Variants in EDA observed in about 807,000 individuals in gnomAD.
The protein encoded by EDA is ectodysplasin A.
Under a neutral mutation model 23.6 loss-of-function variants are expected in EDA, and 2 were observed. The ratio of observed to expected loss-of-function variants is 0.08; its 90% CI spans 0.03 to 0.27. The LOEUF (loss-of-function observed/expected upper bound fraction) is 0.27. EDA is among the 10% of genes least tolerant of loss of function. EDA has a pLI of 1.00. For synonymous variants in EDA, 131 were observed against 132.0 expected (o/e 0.99, Z 0.05); for missense variants, 229 against 324.2 (o/e 0.71, Z 2.26).
chrX:69,920,740 T>G (rs1256571499), intron 1 of EDA, among the ~76,000 whole-genome samples: 1 of 111,788 alleles, frequency 8.9e-6, no homozygotes, highest in Admixed American at 9.5e-5. Context: ...TCACTATTAT[T>G]GTTAACCTTG....
intron 1 of EDA, among the ~76,000 whole-genome samples, chrX:69,705,223 CA>C (rs545649412): frequency 1.1e-3 from 63 of 58,838 alleles, no homozygotes; most frequent in South Asian, 4.0e-3. Flanking sequence ...AACTCCATCT[CA>C]AAAAAAAAAA....
chrX:69,987,274 TAA>T (rs796678528), intron 2 of EDA, among the ~76,000 whole-genome samples: 2,334 of 66,772 alleles, frequency 0.035, 81 homozygotes, highest in African/African-American at 0.12. Context: ...TAAAGTATAA[TAA>T]AAAAAAAAAA....
intron 1 of EDA, among the ~76,000 whole-genome samples, chrX:69,898,536 T>C (rs903587205): frequency 1.8e-5 from 2 of 110,129 alleles, no homozygotes; most frequent in Non-Finnish European, 3.8e-5. Context: ...TGAGCCGAGA[T>C]CACACCACTG....
intron 1 of EDA, among the ~76,000 whole-genome samples, chrX:69,799,103 C>A (rs1036564575): frequency 2.7e-5 from 3 of 111,404 alleles, no homozygotes; most frequent in Non-Finnish European, 5.7e-5. Context: ...AAAGGATGGT[C>A]TTCAATGAAT....
chrX:69,659,998 CT>C (rs761011675), intron 1 of EDA, among the ~76,000 whole-genome samples: 1 of 111,730 alleles, frequency 9.0e-6, no homozygotes, highest in African/African-American at 3.3e-5. Context: ...TTTCCCATCC[CT>C]TTTTTTCAGC....
chrX:69,622,808 A>G (rs774271651), intron 1 of EDA, among the ~76,000 whole-genome samples: 12 of 111,802 alleles, frequency 1.1e-4, no homozygotes, highest in Non-Finnish European at 2.3e-4. Context: ...ATTATCTTCT[A>G]GAAGCTTTAT....
intron 1 of EDA, among the ~76,000 whole-genome samples, chrX:69,619,124 G>A (rs1225435231): frequency 2.7e-5 from 3 of 112,027 alleles, no homozygotes; most frequent in Non-Finnish European, 5.6e-5. Context: ...GGCCACGTAG[G>A]TCATATTTTT....
intron 1 of EDA, among the ~76,000 whole-genome samples, chrX:69,814,072 A>G (rs919748324): frequency 1.1e-4 from 12 of 112,916 alleles, no homozygotes; most frequent in African/African-American, 3.9e-4. Context: ...TTAACAAACA[A>G]CAAAAACAAA....
chrX:69,623,567 T>C (rs766392690), intron 1 of EDA, among the ~76,000 whole-genome samples: 32 of 111,747 alleles, frequency 2.9e-4, no homozygotes, highest in Non-Finnish European at 5.8e-4. Flanking sequence ...AAACCTATTT[T>C]AGACATTTTC....
intron 1 of EDA, among the ~76,000 whole-genome samples, chrX:69,856,368 A>C (rs2017253882): frequency 9.5e-6 from 1 of 105,069 alleles, no homozygotes; most frequent in Admixed American, 1.1e-4. Context: ...ATTTTCCTCG[A>C]GGTAGATACC....
intron 1 of EDA, among the ~76,000 whole-genome samples, chrX:69,725,076 C>T (rs2012741053): frequency 8.9e-6 from 1 of 112,075 alleles, no homozygotes; most frequent in Admixed American, 9.5e-5. Context: ...AGTTTACATG[C>T]CATTAACTAG....
At chrX:69,870,741 G>A (rs1388797493) in intron 1 of EDA, among the ~76,000 whole-genome samples, 1 of 111,319 alleles carries the variant, frequency 9.0e-6, no homozygotes, top group African/African-American at 3.3e-5. Flanking sequence ...TCCAATCAAT[G>A]CCCTCATTTT....
At chrX:69,845,739 C>T (rs773214081) in intron 1 of EDA, among the ~76,000 whole-genome samples, 1 of 111,772 alleles carries the variant, frequency 8.9e-6, no homozygotes, top group East Asian at 2.8e-4. Context: ...GAGTCTTCCA[C>T]CTTGCTCTTT....
intron 1 of EDA, among the ~76,000 whole-genome samples, chrX:69,738,621 A>T (rs763870296): frequency 2.8e-5 from 3 of 107,903 alleles, no homozygotes; most frequent in African/African-American, 1.0e-4. Flanking sequence ...AAATATATAC[A>T]TTTACAGCTG....
chrX:69,619,373 T>C (rs181145671), intron 1 of EDA, among the ~76,000 whole-genome samples: 3 of 111,869 alleles, frequency 2.7e-5, no homozygotes, highest in South Asian at 3.8e-4. Context: ...TCCATACTTA[T>C]GAGATGATGG....
intron 1 of EDA, among the ~76,000 whole-genome samples, chrX:69,631,656 A>G (rs180965230): frequency 2.1e-3 from 225 of 107,962 alleles, no homozygotes; most frequent in African/African-American, 7.2e-3. Context: ...TTGTGGTAGA[A>G]TACTCCTTTG....
At chrX:69,935,268 CTT>C (rs199623519) in intron 1 of EDA, among the ~76,000 whole-genome samples, 1,215 of 111,722 alleles carry the variant, frequency 0.011, 14 homozygotes, top group African/African-American at 0.038. Context: ...GTAGACATCT[CTT>C]TGATATACCG....
intron 1 of EDA, among the ~76,000 whole-genome samples, chrX:69,823,098 G>A (rs1382348374): frequency 1.1e-5 from 1 of 93,754 alleles, no homozygotes; most frequent in Non-Finnish European, 2.1e-5. Context: ...GTCTATCATT[G>A]TTGGACATTT....
chrX:69,792,863 G>A (rs2015440041), intron 1 of EDA, among the ~76,000 whole-genome samples: 1 of 112,047 alleles, frequency 8.9e-6, no homozygotes, highest in African/African-American at 3.2e-5. Flanking sequence ...TTGTAGACTG[G>A]ATATTAGTCC....
Sources: allele counts gnomAD v4.1 joint callset (sites outside exome capture counted in the v4.1 genomes callset), GRCh38; gene constraint gnomAD v4.1.1; transcripts MANE v1.5; gene names NCBI Gene and HGNC (gene_info 2026-07-23, HGNC 2026-07-21).